The following VPS35L variants were observed in gnomAD, a reference collection of about 807,000 sequenced individuals.
VPS35L encodes VPS35 endosomal protein sorting factor like, also known as VPS35 endosomal protein-sorting factor-like.
VPS35L carries 83 observed loss-of-function variants against 133.0 expected under a neutral mutation model. The ratio of observed to expected loss-of-function variants is 0.62; its 90% CI spans 0.52 to 0.75. The LOEUF (loss-of-function observed/expected upper bound fraction) is 0.75. Ranked by LOEUF, VPS35L falls within the 30% of genes least tolerant of loss-of-function variation. The pLI, the probability that VPS35L is intolerant of heterozygous loss-of-function variation, is 0.00. For synonymous variants in VPS35L, 423 were observed against 449.9 expected (o/e 0.94, Z 0.76); for missense variants, 1,083 against 1,206.8 (o/e 0.90, Z 1.52).
chr16:19,637,767 C>G (rs1031315771), intron 20 of VPS35L, 111 bp downstream of exon 20: 1 of 713,262 alleles, frequency 1.4e-6, no homozygotes, highest in African/African-American at 1.8e-5. Context: ...TTCAGCAGTT[C>G]CTTTTATAAA....
intron 9 of VPS35L, among the ~76,000 whole-genome samples, chr16:19,607,172 A>C (rs1214720871): frequency 6.6e-6 from 1 of 152,224 alleles, no homozygotes; most frequent in Non-Finnish European, 1.5e-5. Flanking sequence ...GTTTAAAAAT[A>C]TGTATGTCAA....
chr16:19,610,185 T>A (rs1972665644), intron 11 of VPS35L, 137 bp from the exon 12 acceptor site: 2 of 653,406 alleles, frequency 3.1e-6, no homozygotes, highest in Admixed American at 2.7e-5. Context: ...ACTGAAACTT[T>A]GACCTTGGTT....
chr16:19,625,655 G>C (rs1454293370), intron 14 of VPS35L, among the ~76,000 whole-genome samples: 2 of 152,084 alleles, frequency 1.3e-5, no homozygotes, highest in Non-Finnish European at 2.9e-5. Context: ...CCTGATGCCA[G>C]GACCCTAGCT....
intron 19 of VPS35L, among the ~76,000 whole-genome samples, chr16:19,634,532 C>G (rs189182386): frequency 1.3e-5 from 2 of 151,616 alleles, no homozygotes; most frequent in East Asian, 1.9e-4. Flanking sequence ...GGAATTAGAA[C>G]AGTAACAGAT....
At chr16:19,663,635 A>C (rs1056826822) in intron 26 of VPS35L, among the ~76,000 whole-genome samples, 10 of 97,024 alleles carry the variant, frequency 1.0e-4, no homozygotes, top group African/African-American at 4.1e-4. Context: ...TTTATTAGCT[A>C]TATTACTTGC....
At chr16:19,676,856 G>T (rs925971114) in intron 27 of VPS35L, among the ~76,000 whole-genome samples, 1 of 151,986 alleles carries the variant, frequency 6.6e-6, no homozygotes, top group Non-Finnish European at 1.5e-5. Flanking sequence ...TGCACAAAGC[G>T]CCATAAAGAA....
chr16:19,594,545 G>A (rs1359264787), intron 8 of VPS35L, among the ~76,000 whole-genome samples: 2 of 147,054 alleles, frequency 1.4e-5, no homozygotes, highest in African/African-American at 5.0e-5. Flanking sequence ...TTGGGAGGAT[G>A]AAGCAGGAGA....
At chr16:19,563,970 C>T (rs1971104220) in intron 1 of VPS35L, among the ~76,000 whole-genome samples, 1 of 152,204 alleles carries the variant, frequency 6.6e-6, no homozygotes, top group African/African-American at 2.4e-5. Flanking sequence ...CACAAATGCC[C>T]TCAGCGGGAA....
Position 19,633,237 on chromosome 16 carries a change from G to T in VPS35L, c.1635+65G>T. On this transcript the variant is annotated intron_variant, in intron 19 of 30. Transcript: ENST00000417362. This position sits in a 1 kb window ranked among gnomAD's most constrained non-coding sequence, Gnocchi z 4.1. ...TTTTGTTCTGTTGAATTAAATAGGC[G>T]TGTTGTATGGGTCAGGCTATAAAGG... 1.4e-6 allele frequency: 2 copies of T among 1,399,478 alleles called. No individual in the cohort carries two copies. Among genetic ancestry groups the T allele is most frequent in the Middle Eastern group, 1.8e-4 (1 of 5,652 alleles). 86.7% of individuals were successfully genotyped at this position (1,399,478 alleles called of 1,614,324 possible). A position where few individuals can be genotyped will look rare whatever the true frequency, so the allele number is the denominator to read the frequency against.
At chr16:19,654,303 G>A (rs953182496) in intron 26 of VPS35L, among the ~76,000 whole-genome samples, 2 of 151,936 alleles carry the variant, frequency 1.3e-5, no homozygotes, top group African/African-American at 4.8e-5. Flanking sequence ...TTCTTACTGT[G>A]TTTGTTTACT....
rs1334781509 is a variant in VPS35L, at chr16:19,700,496, G to C, written c.*20G>C. ...ACCTGACCCCCGGGCCCATCCCCAG[G>C]CTCAGGGACTCTGGTGCCAAATCCA... On this transcript the variant is annotated 3_prime_UTR_variant, in exon 31 of 31. Coordinates refer to ENST00000417362, the MANE Select transcript of VPS35L (RefSeq NM_020314.7). The C allele has an allele frequency of 2.5e-6, 4 of 1,598,760 alleles. No individual in the cohort carries two copies. The East Asian group carries it at 8.9e-5, about 36-fold the overall frequency.
chr16:19,648,730 G>T (rs1974030670), intron 24 of VPS35L, among the ~76,000 whole-genome samples: 1 of 151,828 alleles, frequency 6.6e-6, no homozygotes, highest in African/African-American at 2.4e-5. Context: ...TAGTCAGGCG[G>T]GGTGGCAGGC....
chr16:19,603,680 A>G (rs1481431187), intron 9 of VPS35L, among the ~76,000 whole-genome samples: 1 of 152,136 alleles, frequency 6.6e-6, no homozygotes, highest in East Asian at 1.9e-4. Context: ...CCCAAGTGGA[A>G]AGGAAAGGCC....
chr16:19,632,115 C>T (rs1372010661), intron 18 of VPS35L, among the ~76,000 whole-genome samples: 1 of 151,990 alleles, frequency 6.6e-6, no homozygotes, highest in Non-Finnish European at 1.5e-5. Flanking sequence ...GTGTGTGTGA[C>T]CACACCCCGC....
chr16:19,585,451 G>A (rs1258847865), intron 7 of VPS35L, among the ~76,000 whole-genome samples: 1 of 147,640 alleles, frequency 6.8e-6, no homozygotes, highest in African/African-American at 2.5e-5. Context: ...CACCCAGGCT[G>A]GAGTGCAGTG....
At chr16:19,662,062 G>A (rs894457566) in intron 26 of VPS35L, among the ~76,000 whole-genome samples, 1 of 152,140 alleles carries the variant, frequency 6.6e-6, no homozygotes, top group African/African-American at 2.4e-5. Flanking sequence ...AAATCAGCAG[G>A]CATGATGGCG....
At chr16:19,583,415 T>C (rs1971767603) in intron 7 of VPS35L, among the ~76,000 whole-genome samples, 1 of 152,210 alleles carries the variant, frequency 6.6e-6, no homozygotes, top group African/African-American at 2.4e-5. Flanking sequence ...ATAATAATTC[T>C]ACATATTTAT....
At position 19,555,752 on chromosome 16, in the gene VPS35L, G is replaced by C. The variant is rs1053424902; in HGVS notation, c.17+6G>C. On this transcript the variant is annotated splice_donor_region_variant and intron_variant, in intron 1 of 30. Transcript: ENST00000417362. ...AAGATGGCCGTCTTTCCTTGGTAAG[G>C]AAGCAGCGGCGGGTGGGCTTTGGAG... 6.3e-7 allele frequency: 1 copy of C among 1,575,096 alleles called. No individual in the cohort carries two copies. The highest frequency in any genetic ancestry group is 8.6e-7 in the Non-Finnish European group (1 of 1,161,210).
intron 12 of VPS35L, among the ~76,000 whole-genome samples, chr16:19,614,715 G>A (rs114449979): frequency 0.013 from 1,966 of 152,212 alleles, 32 homozygotes; most frequent in African/African-American, 0.044. Context: ...CCCAGCCTAC[G>A]AAGTTGTTTT....
Sources: allele counts gnomAD v4.1 joint callset (sites outside exome capture counted in the v4.1 genomes callset), GRCh38; gene constraint gnomAD v4.1.1; non-coding constraint Gnocchi (gnomAD v3.1); transcripts MANE v1.5; gene names NCBI Gene and HGNC (gene_info 2026-07-23, HGNC 2026-07-21).